Variants in MIR2052HG observed in about 807,000 individuals in gnomAD.
MIR2052HG encodes MIR2052 host gene.
intron 2 of MIR2052HG, among the ~76,000 whole-genome samples, chr8:74,625,904 G>A (rs962632578): frequency 6.6e-6 from 1 of 152,136 alleles, no homozygotes; most frequent in African/African-American, 2.4e-5. Context: ...CATTATAAGA[G>A]CAGTCACCCT....
At chr8:74,706,449 T>C (rs1290895645) in intron 4 of MIR2052HG, among the ~76,000 whole-genome samples, 5 of 152,072 alleles carry the variant, frequency 3.3e-5, no homozygotes, top group Non-Finnish European at 7.4e-5. Context: ...GCAAATTAAT[T>C]AGCGTTCACT....
rs1257362317 is a variant in MIR2052HG at position 74,613,213 on chromosome 8, T to G, written n.216+273T>G. On this transcript the variant is annotated intron_variant and non_coding_transcript_variant, in intron 2 of 6. Transcript: ENST00000523442. ...GTTTCTTCTTGCTCTCAAAATATAC[T>G]TTTAGCACTTTGGAGTGACTGGTAC... Among the ~76,000 whole-genome samples the G allele has an allele frequency of 2.0e-5, 3 of 152,192 alleles. No individual in the cohort carries two copies. In the East Asian group the frequency reaches 5.8e-4, roughly 29 times the overall value.
intron 4 of MIR2052HG, among the ~76,000 whole-genome samples, chr8:74,726,281 A>G (rs1416722325): frequency 6.6e-6 from 1 of 152,226 alleles, no homozygotes; most frequent in Non-Finnish European, 1.5e-5. Context: ...TCTAAAAGAG[A>G]GTACATGCTT....
chr8:74,661,608 G>A (rs141391540), intron 2 of MIR2052HG, among the ~76,000 whole-genome samples: 53 of 152,248 alleles, frequency 3.5e-4, no homozygotes, highest in Non-Finnish European at 7.1e-4. Context: ...ACATTCTGAG[G>A]ATTCTTATTT....
chr8:74,640,316 C>CA (rs1255067483), intron 2 of MIR2052HG, among the ~76,000 whole-genome samples: 1 of 151,296 alleles, frequency 6.6e-6, no homozygotes, highest in Non-Finnish European at 1.5e-5. Flanking sequence ...AAAAAAAATA[C>CA]AAAAATTAGC....
At chr8:74,684,093 G>C (rs1809153857) in intron 2 of MIR2052HG, among the ~76,000 whole-genome samples, 1 of 152,112 alleles carries the variant, frequency 6.6e-6, no homozygotes, top group Non-Finnish European at 1.5e-5. Flanking sequence ...AGCTTGTTCA[G>C]AGGTCCCGGT....
intron 2 of MIR2052HG, among the ~76,000 whole-genome samples, chr8:74,654,844 TCAG>T (rs1302925957): frequency 2.0e-5 from 3 of 152,172 alleles, no homozygotes; most frequent in African/African-American, 7.2e-5. Context: ...TTTGGAGGGC[TCAG>T]AAGAAGACAG....
chr8:74,613,841 T>G (rs962202529), intron 2 of MIR2052HG, among the ~76,000 whole-genome samples: 4 of 152,056 alleles, frequency 2.6e-5, no homozygotes, highest in Admixed American at 2.6e-4. Context: ...GGTTTTGAGG[T>G]TTTTTTTAAA....
chr8:74,703,868 T>G (rs971537478), intron 4 of MIR2052HG, among the ~76,000 whole-genome samples: 5 of 152,066 alleles, frequency 3.3e-5, no homozygotes, highest in Non-Finnish European at 5.9e-5. Context: ...GTATTTCCAA[T>G]GATACCCATC....
intron 1 of MIR2052HG, among the ~76,000 whole-genome samples, chr8:74,611,395 T>G (rs1399664582): frequency 6.6e-6 from 1 of 152,158 alleles, no homozygotes; most frequent in Non-Finnish European, 1.5e-5. Context: ...AACTATTTTT[T>G]GAAAGAATTT....
intron 4 of MIR2052HG, among the ~76,000 whole-genome samples, chr8:74,715,064 G>T (rs1809507408): frequency 6.6e-6 from 1 of 152,014 alleles, no homozygotes; most frequent in South Asian, 2.1e-4. Context: ...ATTTTAAAAA[G>T]GGATGAACAT....
intron 4 of MIR2052HG, among the ~76,000 whole-genome samples, chr8:74,720,561 T>C (rs1237065744): frequency 6.6e-6 from 1 of 152,210 alleles, no homozygotes; most frequent in East Asian, 1.9e-4. Context: ...ACTTGTGCCA[T>C]GGTTGTTTTC....
chr8:74,609,111 T>A (rs1417344174), intron 1 of MIR2052HG, among the ~76,000 whole-genome samples: 1 of 151,982 alleles, frequency 6.6e-6, no homozygotes, highest in Non-Finnish European at 1.5e-5. Flanking sequence ...GAATAAGATA[T>A]GTGACATCAC....
chr8:74,686,060 C>A (rs1475314214), intron 2 of MIR2052HG, among the ~76,000 whole-genome samples: 1 of 151,670 alleles, frequency 6.6e-6, no homozygotes, highest in African/African-American at 2.4e-5. Flanking sequence ...AAAAATGATT[C>A]TCGACAGAAG....
chr8:74,749,400 T>TAAAA (rs397968997), intron 4 of MIR2052HG, among the ~76,000 whole-genome samples: 2 of 143,910 alleles, frequency 1.4e-5, no homozygotes, highest in Admixed American at 1.4e-4. Context: ...ATCACCAAGT[T>TAAAA]AAAAAAAAAA....
intron 4 of MIR2052HG, among the ~76,000 whole-genome samples, chr8:74,733,048 A>ATATT (rs1563542150): frequency 9.2e-5 from 13 of 141,942 alleles, no homozygotes; most frequent in African/African-American, 3.2e-4. Context: ...CAATTAGGAG[A>ATATT]CATTTATTTA....
intron 1 of MIR2052HG, chr8:74,612,556 A>G (rs547208692): frequency 8.4e-6 from 2 of 239,462 alleles, no homozygotes; most frequent in African/African-American, 2.3e-5. Flanking sequence ...GGTAATTTAT[A>G]TACATGTAAT....
intron 4 of MIR2052HG, among the ~76,000 whole-genome samples, chr8:74,747,304 A>G (rs1809898173): frequency 1.3e-5 from 2 of 152,198 alleles, no homozygotes; most frequent in South Asian, 4.1e-4. Context: ...GCTGCTTAGG[A>G]CAATGTTGGC....
At chr8:74,737,879 TGA>T (rs2128755451) in intron 4 of MIR2052HG, among the ~76,000 whole-genome samples, 1 of 152,324 alleles carries the variant, frequency 6.6e-6, no homozygotes, top group South Asian at 2.1e-4. Flanking sequence ...TCAATTCTAG[TGA>T]GACAGCTTTA....
Sources: gnomAD v4.1 joint callset for allele counts (sites outside exome capture counted in the v4.1 genomes callset) on GRCh38, gnomAD v4.1.1 for gene constraint, MANE v1.5 for transcripts, NCBI Gene and HGNC (gene_info 2026-07-23, HGNC 2026-07-21) for gene names.